The following ANXA13 variants were observed in gnomAD, a reference collection of about 807,000 sequenced individuals.
ANXA13 encodes the protein annexin XIII.
ANXA13 carries 36 observed loss-of-function variants against 46.6 expected under a neutral mutation model. The observed-to-expected ratio is 0.77, with a 90% CI of 0.59 to 1.02. The LOEUF (loss-of-function observed/expected upper bound fraction) is 1.02, where lower values mean the gene tolerates loss of function less well. Among genes scored for constraint, ANXA13 ranks in the 50% least tolerant of loss-of-function variants. The pLI, the probability that ANXA13 is intolerant of heterozygous loss-of-function variation, is 0.00. For synonymous variants in ANXA13, 163 were observed against 152.9 expected, an observed-to-expected ratio of 1.07 and a Z score of -0.49; for missense variants, 417 against 396.5, an observed-to-expected ratio of 1.05 and a Z score of -0.44.
At chr8:123,714,575 T>C (rs549972242) in intron 1 of ANXA13, among the ~76,000 whole-genome samples, 1 of 152,202 alleles carries the variant, frequency 6.6e-6, no homozygotes, top group Admixed American at 6.5e-5. Context: ...ATGAGTTGGG[T>C]TTCCATCCTT....
intron 1 of ANXA13, among the ~76,000 whole-genome samples, chr8:123,735,475 T>C (rs1056935163): frequency 6.6e-6 from 1 of 152,264 alleles, no homozygotes; most frequent in African/African-American, 2.4e-5. Context: ...TGAAATGTCA[T>C]AGTGGTCCTG....
intron 1 of ANXA13, among the ~76,000 whole-genome samples, chr8:123,717,123 T>C (rs897627034): frequency 3.9e-5 from 6 of 152,316 alleles, no homozygotes; most frequent in Non-Finnish European, 8.8e-5. Flanking sequence ...ATAATGATTT[T>C]GGAGGTCTGC....
chr8:123,733,150 A>G (rs1265344394), intron 1 of ANXA13, among the ~76,000 whole-genome samples: 1 of 152,140 alleles, frequency 6.6e-6, no homozygotes, highest in Non-Finnish European at 1.5e-5. Flanking sequence ...GCAACAGAGC[A>G]AGACCCTGTC....
At chr8:123,705,317 C>T (rs1813519986) in intron 2 of ANXA13, among the ~76,000 whole-genome samples, 1 of 152,216 alleles carries the variant, frequency 6.6e-6, no homozygotes, top group Non-Finnish European at 1.5e-5. Flanking sequence ...GTGTTCACTT[C>T]ACACCATACT....
intron 7 of ANXA13, 46 bp downstream of exon 7, chr8:123,693,665 A>G: frequency 6.6e-7 from 1 of 1,516,390 alleles, no homozygotes; most frequent in Non-Finnish European, 9.0e-7. Context: ...AATGCTAATA[A>G]ATTTAAAAAA....
chr8:123,692,893 TC>T (rs1189350818), intron 8 of ANXA13, among the ~76,000 whole-genome samples: 5 of 151,994 alleles, frequency 3.3e-5, no homozygotes, highest in Non-Finnish European at 7.4e-5. Context: ...GAAGCCGGTT[TC>T]CAGCCTGGGT....
intron 1 of ANXA13, among the ~76,000 whole-genome samples, chr8:123,719,270 G>A (rs576178314): frequency 6.6e-6 from 1 of 152,304 alleles, no homozygotes; most frequent in East Asian, 1.9e-4. Flanking sequence ...AATTAATTAA[G>A]AAATATGTTA....
chr8:123,694,778 A>G, intron 6 of ANXA13, among the ~76,000 whole-genome samples: 1 of 152,206 alleles, frequency 6.6e-6, no homozygotes, highest in Non-Finnish European at 1.5e-5. Context: ...CTGTGAGATG[A>G]TAGATCTATG....
At chr8:123,694,450 G>T (rs1455435480) in intron 6 of ANXA13, among the ~76,000 whole-genome samples, 1 of 152,182 alleles carries the variant, frequency 6.6e-6, no homozygotes, top group Non-Finnish European at 1.5e-5. Context: ...AGCTGCTGCT[G>T]GACTGGAAGA....
intron 1 of ANXA13, among the ~76,000 whole-genome samples, chr8:123,724,972 A>G (rs1813956093): frequency 6.6e-6 from 1 of 152,216 alleles, no homozygotes; most frequent in African/African-American, 2.4e-5. Flanking sequence ...TGGCCCACAA[A>G]GCCTCATTAT....
intron 2 of ANXA13, among the ~76,000 whole-genome samples, chr8:123,707,582 A>G (rs1813561703): frequency 6.6e-6 from 1 of 152,200 alleles, no homozygotes; most frequent in Non-Finnish European, 1.5e-5. Flanking sequence ...ATTCTCAGCA[A>G]ACTAACACAG....
chr8:123,687,751 A>G (rs1426418208), intron 9 of ANXA13, among the ~76,000 whole-genome samples: 1 of 152,084 alleles, frequency 6.6e-6, no homozygotes, highest in African/African-American at 2.4e-5. Flanking sequence ...TCCTTCTGCC[A>G]TTTGGGTTGG....
intron 1 of ANXA13, among the ~76,000 whole-genome samples, chr8:123,718,518 G>C (rs578261150): frequency 1.3e-5 from 2 of 152,280 alleles, no homozygotes; most frequent in Middle Eastern, 6.8e-3. Flanking sequence ...TTCTGTTGAG[G>C]TGCTGGCCAT....
At chr8:123,714,950 G>T (rs1310812789) in intron 1 of ANXA13, among the ~76,000 whole-genome samples, 6 of 152,208 alleles carry the variant, frequency 3.9e-5, no homozygotes, top group Admixed American at 3.9e-4. Flanking sequence ...AGCTCAATTT[G>T]CCTCCTAAAG....
In ANXA13 at chr8:123,688,913, C is replaced by T. The variant is rs1224637268; in HGVS notation, c.676G>A (p.Glu226Lys). The change falls in exon 9 of 11, where the codon GAA becomes AAA. Residue 226 changes from glutamate to lysine, a missense_variant. By Grantham distance (56) the Glu-to-Lys change is moderately conservative. Coordinates refer to ENST00000419625, the MANE Select transcript of ANXA13 (RefSeq NM_004306.4). ...IGKDIEEAIEEETSGDLQKAY... is the reference protein window; with the variant it reads ...IGKDIEEAIEKETSGDLQKAY... ...TTCTGCAAGTCGCCTGATGTTTCTT[C>T]TTCAATGGCTTCTTCTATGTCTTTG... 1 of 1,613,954 alleles carries T rather than the reference C, an allele frequency of 6.2e-7. No homozygotes were observed. The highest frequency in any genetic ancestry group is 2.2e-5 in the East Asian group (1 of 44,878).
At chr8:123,697,591 G>A (rs553324261) in intron 4 of ANXA13, among the ~76,000 whole-genome samples, 12 of 152,302 alleles carry the variant, frequency 7.9e-5, no homozygotes, top group African/African-American at 2.9e-4. Context: ...GGCACTGTTT[G>A]CATTTTGCCT....
At chr8:123,714,562 A>T (rs1257828852) in intron 1 of ANXA13, among the ~76,000 whole-genome samples, 1 of 152,222 alleles carries the variant, frequency 6.6e-6, no homozygotes, top group Admixed American at 6.5e-5. Context: ...GGTCTAAGTT[A>T]ATATGAGTTG....
At chr8:123,707,231 CAT>C (rs1813555716) in intron 2 of ANXA13, among the ~76,000 whole-genome samples, 1 of 152,174 alleles carries the variant, frequency 6.6e-6, no homozygotes, top group African/African-American at 2.4e-5. Context: ...AGGAAGTTTG[CAT>C]GTCATCACGA....
At chr8:123,736,440 C>A (rs1442639079) in intron 1 of ANXA13, among the ~76,000 whole-genome samples, 1 of 152,158 alleles carries the variant, frequency 6.6e-6, no homozygotes, top group African/African-American at 2.4e-5. Flanking sequence ...AGTTTTTAGT[C>A]ATTAACTATT....
Sources: allele counts gnomAD v4.1 joint callset (sites outside exome capture counted in the v4.1 genomes callset), GRCh38; gene constraint gnomAD v4.1.1; transcripts MANE v1.5; gene names NCBI Gene and HGNC (gene_info 2026-07-23, HGNC 2026-07-21).